Variants in DGKH observed in about 807,000 individuals in gnomAD.
DGKH encodes the protein DAG kinase eta.
A neutral mutation model predicts 159.3 loss-of-function variants in DGKH; 90 were observed. The observed-to-expected ratio is 0.57, with a 90% CI of 0.48 to 0.67. The LOEUF is 0.67. DGKH is among the 30% of genes least tolerant of loss of function. The probability of loss-of-function intolerance (pLI) is 0.00; values close to 1 mark genes in which losing one functional copy is unlikely to be tolerated. For missense variants in DGKH, 1,181 were observed against 1,506.1 expected (o/e 0.78, Z 3.57); for synonymous variants, 536 against 553.8 (o/e 0.97, Z 0.45).
At chr13:42,088,299 C>A (rs1954348694) in intron 1 of DGKH, among the ~76,000 whole-genome samples, 1 of 151,912 alleles carries the variant, frequency 6.6e-6, no homozygotes, top group Non-Finnish European at 1.5e-5. Flanking sequence ...AAAAATAGTA[C>A]CAGATGAAAA....
At chr13:42,122,629 T>C (rs1221645230) in intron 1 of DGKH, among the ~76,000 whole-genome samples, 6 of 152,192 alleles carry the variant, frequency 3.9e-5, no homozygotes, top group African/African-American at 1.4e-4. Flanking sequence ...CACTGCCATA[T>C]TGAGGATTGT....
chr13:42,105,346 C>T (rs965781136), intron 1 of DGKH, among the ~76,000 whole-genome samples: 4 of 152,096 alleles, frequency 2.6e-5, no homozygotes, highest in Admixed American at 2.6e-4. Context: ...AACATTAATC[C>T]ATTCATGAGG....
chr13:42,062,100 A>AT (rs1882224433), intron 1 of DGKH, among the ~76,000 whole-genome samples: 1 of 152,082 alleles, frequency 6.6e-6, no homozygotes, highest in Admixed American at 6.5e-5. Flanking sequence ...GAAGCTATGT[A>AT]TGCAGATATC....
chr13:42,073,117 T>C (rs1027551824), intron 1 of DGKH, among the ~76,000 whole-genome samples: 11 of 152,252 alleles, frequency 7.2e-5, no homozygotes, highest in Admixed American at 1.3e-4. Context: ...GAGAAATTCT[T>C]TTATATATTT....
At chr13:42,053,567 ACTATATATGTATATATAT>A (rs1260989793) in intron 1 of DGKH, among the ~76,000 whole-genome samples, 1 of 140,624 alleles carries the variant, frequency 7.1e-6, no homozygotes, top group African/African-American at 2.7e-5. Context: ...TATATATATA[ACTATATATGTATATATAT>A]AACTATATAT....
exon 31 of DGKH, chr13:42,256,575 T>C (rs1958658624): frequency 1.5e-6 from 1 of 663,872 alleles, no homozygotes; most frequent in Non-Finnish European, 2.7e-6. Context: ...GTATATAATT[T>C]TTTAAAAAAC....
chr13:42,131,275 G>T (rs1435834765), intron 3 of DGKH, among the ~76,000 whole-genome samples: 1 of 152,144 alleles, frequency 6.6e-6, no homozygotes, highest in African/African-American at 2.4e-5. Flanking sequence ...CTTTTGTTGT[G>T]TTTTAAAAAT....
chr13:42,159,294 T>A lies in DGKH; in HGVS notation c.651T>A (p.Cys217Ter). The A allele has an allele frequency of 8.7e-7, 1 of 1,152,352 alleles. No individual in the cohort carries two copies. Among genetic ancestry groups the A allele is most frequent in the Non-Finnish European group, 1.2e-6 (1 of 822,804 alleles). 71.4% of individuals were successfully genotyped at this position (1,152,352 alleles called of 1,614,324 possible). The change falls in exon 6 of 30, where the codon TGT (cysteine) becomes TGA (stop). Residue 217 changes from cysteine (C) to a stop codon, truncating the protein, a stop_gained. Coordinates refer to ENST00000337343, the MANE Select transcript of DGKH (RefSeq NM_178009.5). LOFTEE classifies it high-confidence loss of function. ...GTAAATTCAAGGCTCACAAAAGATG[T>A]GCAGTGAGAGCAACAAATAACTGTA... is the stretch of plus-strand genomic sequence containing the variant. ...EVCKFKAHKR[C>*]AVRATNNCKW...
intron 1 of DGKH, among the ~76,000 whole-genome samples, chr13:42,086,908 G>A (rs1477496562): frequency 6.6e-6 from 1 of 152,100 alleles, no homozygotes; most frequent in Non-Finnish European, 1.5e-5. Context: ...AATTTGTGGG[G>A]GAAAATATGA....
intron 1 of DGKH, among the ~76,000 whole-genome samples, chr13:42,108,400 G>A (rs1312299585): frequency 6.6e-6 from 1 of 152,210 alleles, no homozygotes; most frequent in East Asian, 1.9e-4. Flanking sequence ...ACTGCTGCTA[G>A]CAGGTGAGGT....
At chr13:42,106,192 G>A (rs1014717516) in intron 1 of DGKH, among the ~76,000 whole-genome samples, 1 of 152,084 alleles carries the variant, frequency 6.6e-6, no homozygotes, top group Non-Finnish European at 1.5e-5. Flanking sequence ...ATTTTTAGTA[G>A]AGATGGGGTT....
chr13:42,159,894 G>A, intron 6 of DGKH, 117 bp from the exon 7 acceptor site: 3 of 1,434,932 alleles, frequency 2.1e-6, no homozygotes, highest in Non-Finnish European at 2.9e-6. Context: ...ATGAGTGAAT[G>A]CTATGCATGA....
chr13:42,137,505 A>T (rs1256713540), intron 3 of DGKH, among the ~76,000 whole-genome samples: 1 of 152,188 alleles, frequency 6.6e-6, no homozygotes, highest in Non-Finnish European at 1.5e-5. Context: ...TGTCCACATC[A>T]TCTGGCCTCA....
chr13:42,207,528 A>AT (rs1379800522), intron 21 of DGKH, among the ~76,000 whole-genome samples: 2 of 151,424 alleles, frequency 1.3e-5, no homozygotes, highest in Non-Finnish European at 2.9e-5. Flanking sequence ...GTGTGTATAT[A>AT]TTTTTTATTT....
At chr13:42,155,095 G>A (rs1343198043) in intron 3 of DGKH, among the ~76,000 whole-genome samples, 196 bp from the exon 4 acceptor site, 1 of 152,194 alleles carries the variant, frequency 6.6e-6, no homozygotes, top group Non-Finnish European at 1.5e-5. Context: ...GCCCAAGTCA[G>A]TAGCAAAAGG....
intron 1 of DGKH, among the ~76,000 whole-genome samples, chr13:42,040,597 G>C (rs1880428003): frequency 6.6e-6 from 1 of 151,752 alleles, no homozygotes; most frequent in Non-Finnish European, 1.5e-5. Context: ...GGGAGGCTGC[G>C]GCGGTGGCGG....
At chr13:42,250,106 G>T (rs1201832169) in intron 29 of DGKH, among the ~76,000 whole-genome samples, 1 of 151,890 alleles carries the variant, frequency 6.6e-6, no homozygotes, top group Non-Finnish European at 1.5e-5. Flanking sequence ...GAGTAGCTGG[G>T]ACTACAGGCA....
intron 1 of DGKH, among the ~76,000 whole-genome samples, chr13:42,061,825 T>A (rs1593968187): frequency 6.6e-6 from 1 of 152,190 alleles, no homozygotes. Context: ...GCTGAGATGG[T>A]AAAAGAACAT....
intron 3 of DGKH, among the ~76,000 whole-genome samples, chr13:42,146,258 G>A (rs761083792): frequency 1.6e-4 from 23 of 147,456 alleles, no homozygotes; most frequent in Non-Finnish European, 3.0e-4. Flanking sequence ...AAGGACAGAC[G>A]TGACTATCCT....
Sources: gnomAD v4.1 joint callset for allele counts (sites outside exome capture counted in the v4.1 genomes callset) on GRCh38, gnomAD v4.1.1 for gene constraint, MANE v1.5 for transcripts, NCBI Gene and HGNC (gene_info 2026-07-23, HGNC 2026-07-21) for gene names.